Variants in LY6S observed in about 807,000 individuals in gnomAD.
The protein encoded by LY6S is lymphocyte antigen 6 family member S.
the LY6S span, among the ~76,000 whole-genome samples, chr8:143,069,856 C>G: frequency 6.6e-6 from 1 of 152,196 alleles, no homozygotes; most frequent in Admixed American, 6.5e-5. Context: ...CAGTAAAGAG[C>G]CCTTTCCTGA....
At chr8:143,070,463 TAATATATATATAAATATATATATATA>T in the LY6S span, among the ~76,000 whole-genome samples, 16 of 39,268 alleles carry the variant, frequency 4.1e-4, no homozygotes, top group Admixed American at 2.2e-3. Flanking sequence ...TATATATATA[TAATATATATATAAATATATATATATA>T]TTTTTTTTTT....
the LY6S span, among the ~76,000 whole-genome samples, chr8:143,075,475 G>A: frequency 6.6e-6 from 1 of 152,188 alleles, no homozygotes; most frequent in African/African-American, 2.4e-5. This position sits in a 1 kb window ranked among gnomAD's most constrained non-coding sequence, Gnocchi z 4.1. Flanking sequence ...AGGCCGAGGA[G>A]GGTGGATCAT....
At chr8:143,073,878 G>A in the LY6S span, among the ~76,000 whole-genome samples, 1 of 147,390 alleles carries the variant, frequency 6.8e-6, no homozygotes, top group Non-Finnish European at 1.5e-5. Context: ...TCGTCCCCGG[G>A]GTTCCTGTTT....
the LY6S span, among the ~76,000 whole-genome samples, chr8:143,070,736 C>T: frequency 2.6e-5 from 4 of 151,864 alleles, no homozygotes; most frequent in South Asian, 8.3e-4. Flanking sequence ...CCACTCGCCT[C>T]GGCCTCCCAA....
chr8:143,073,710 C>T, the LY6S span, among the ~76,000 whole-genome samples: 18 of 102,572 alleles, frequency 1.8e-4, no homozygotes, highest in Admixed American at 2.9e-4. Flanking sequence ...GTCCCCAGGG[C>T]TCCTGTTTGA....
At chr8:143,073,718 T>C in the LY6S span, among the ~76,000 whole-genome samples, 9 of 140,584 alleles carry the variant, frequency 6.4e-5, no homozygotes, top group Non-Finnish European at 1.1e-4. Flanking sequence ...GGCTCCTGTT[T>C]GAGGAGACAG....
At chr8:143,069,954 G>T in the LY6S span, among the ~76,000 whole-genome samples, 2 of 152,068 alleles carry the variant, frequency 1.3e-5, no homozygotes, top group Admixed American at 6.5e-5. Flanking sequence ...ATTAGGGTCC[G>T]GCAGTGCACT....
the LY6S span, among the ~76,000 whole-genome samples, chr8:143,046,628 G>A: frequency 1.1e-4 from 17 of 151,694 alleles, no homozygotes; most frequent in South Asian, 3.5e-3. Flanking sequence ...ACTCCATCTT[G>A]CTTTCTAATC....
At chr8:143,073,039 G>A in the LY6S span, among the ~76,000 whole-genome samples, 2 of 144,236 alleles carry the variant, frequency 1.4e-5, no homozygotes, top group Non-Finnish European at 1.5e-5. Flanking sequence ...GTCCCTGTTT[G>A]AGGAGACAGC....
the LY6S span, among the ~76,000 whole-genome samples, chr8:143,070,166 C>T: frequency 6.6e-6 from 1 of 151,554 alleles, no homozygotes; most frequent in African/African-American, 2.4e-5. Flanking sequence ...TGTCTGTGTC[C>T]TCACCTCCTC....
chr8:143,063,489 C>T, the LY6S span, among the ~76,000 whole-genome samples: 6 of 152,196 alleles, frequency 3.9e-5, no homozygotes, highest in Non-Finnish European at 5.9e-5. Flanking sequence ...GCAGAGGTTC[C>T]TATTGGTAAA....
chr8:143,045,991 C>A, the LY6S span, among the ~76,000 whole-genome samples: 1 of 152,094 alleles, frequency 6.6e-6, no homozygotes. The surrounding 1 kb of genome is among the most constrained non-coding windows in gnomAD (Gnocchi z 5.3). Flanking sequence ...GTAGCTGTGA[C>A]TACAGGTGCC....
the LY6S span, among the ~76,000 whole-genome samples, chr8:143,056,171 T>G: frequency 6.7e-6 from 1 of 148,258 alleles, no homozygotes; most frequent in Non-Finnish European, 1.5e-5. Context: ...GCACTATCAC[T>G]TGTTATTTAT....
chr8:143,044,812 G>A, the LY6S span: 1 of 1,366,052 alleles, frequency 7.3e-7, no homozygotes, highest in South Asian at 1.1e-5. Context: ...TGGGAGAGAG[G>A]GCAAGGTGGG....
At chr8:143,053,178 A>T in the LY6S span, 1 of 152,262 alleles carries the variant, frequency 6.6e-6, no homozygotes. Flanking sequence ...GGGAGTCACC[A>T]GCTGGGCCCA....
At chr8:143,044,122 A>G in the LY6S span, 2 of 456,166 alleles carry the variant, frequency 4.4e-6, no homozygotes, top group Non-Finnish European at 8.8e-6. Flanking sequence ...GGCCTGGCTG[A>G]TATCCCACCA....
chr8:143,056,357 TA>T, the LY6S span, among the ~76,000 whole-genome samples: 1 of 151,666 alleles, frequency 6.6e-6, no homozygotes, highest in African/African-American at 2.4e-5. Context: ...ACATAAATCA[TA>T]ACCCCGAATA....
chr8:143,057,532 G>A, the LY6S span: 2 of 898,450 alleles, frequency 2.2e-6, no homozygotes, highest in South Asian at 2.7e-5. Context: ...ACAGGCGTGA[G>A]CCACTGCGCC....
chr8:143,060,724 C>A, the LY6S span, among the ~76,000 whole-genome samples: 5 of 152,158 alleles, frequency 3.3e-5, no homozygotes, highest in African/African-American at 1.2e-4. Context: ...TTTCTTCTAT[C>A]TCTTTGTCTT....
Sources: gnomAD v4.1 joint callset for allele counts (sites outside exome capture counted in the v4.1 genomes callset) on GRCh38, gnomAD v4.1.1 for gene constraint, Gnocchi (gnomAD v3.1) non-coding constraint, MANE v1.5 for transcripts, NCBI Gene and HGNC (gene_info 2026-07-23, HGNC 2026-07-21) for gene names.